VPS13C: variants seen among roughly 807,000 people sequenced by gnomAD.
The protein encoded by VPS13C is intermembrane lipid transfer protein VPS13C.
A neutral mutation model predicts 456.8 loss-of-function variants in VPS13C; 358 were observed. The ratio of observed to expected loss-of-function variants is 0.78; its 90% CI spans 0.72 to 0.86. The LOEUF is 0.86. Among genes scored for constraint, VPS13C ranks in the 40% least tolerant of loss-of-function variants. The pLI is 0.00. For synonymous variants in VPS13C, 1,578 were observed against 1,486.7 expected (o/e 1.06, Z -1.41); for missense variants, 4,818 against 4,385.4 (o/e 1.10, Z -2.79).
chr15:62,006,464 A>C (rs1444812444), intron 15 of VPS13C, among the ~76,000 whole-genome samples: 2 of 152,146 alleles, frequency 1.3e-5, no homozygotes, highest in East Asian at 3.9e-4. Context: ...ATAGTATTCC[A>C]TGGTGTATAT....
At position 61,881,785 on chromosome 15, in the gene VPS13C, T is replaced by G; in HGVS notation, c.9668A>C (p.His3223Pro). 1.2e-6 allele frequency: 2 copies of G among 1,608,118 alleles called. No individual in the cohort carries two copies. The highest frequency in any genetic ancestry group is 1.7e-6 in the Non-Finnish European group (2 of 1,178,492). The change falls in exon 70 of 85, where the codon CAT becomes CCT. Residue 3223 changes from histidine to proline, a missense_variant. Physicochemically the swap from His to Pro is moderately conservative, Grantham distance 77 (BLOSUM62 -2). Around this residue, in one of 3 missense-constraint regions of VPS13C, gnomAD observed 4,552 missense variants for 4,130.6 expected, o/e 1.10. Transcript: ENST00000644861. ...AATAGATTTTGGAGGGGCAACAGGA[T>G]GAAATACAACAGGGAACATTGCACC... ...LPGAMFPVVF[H>P]PVAPPKSIAL...
intron 1 of VPS13C, among the ~76,000 whole-genome samples, chr15:62,049,930 T>C (rs554839739): frequency 1.8e-4 from 28 of 152,348 alleles, no homozygotes; most frequent in African/African-American, 6.3e-4. Context: ...TAAGAATGCT[T>C]GTGATTTTTG....
chr15:62,008,680 G>C lies in VPS13C; in HGVS notation c.1093C>G (p.Pro365Ala). The C allele has an allele frequency of 6.2e-7, 1 of 1,605,198 alleles. No homozygotes were observed. Among genetic ancestry groups the C allele is most frequent in the Non-Finnish European group, 8.5e-7 (1 of 1,175,590 alleles). Reference protein sequence around the residue: ...APYRKYKPYLPLHTNGRRWWK... With the variant: ...APYRKYKPYLALHTNGRRWWK... ...CATCGTCGACCATTGGTATGAAGTG[G>C]TAAATAAGGCTTGTATTTCCTATAA... The change falls in exon 14 of 85, where the codon CCA becomes GCA. Residue 365 changes from proline (P) to alanine (A), a missense_variant. Around this residue, in one of 3 missense-constraint regions of VPS13C, gnomAD observed 4,552 missense variants for 4,130.6 expected, o/e 1.10. Transcript: ENST00000644861.
intron 22 of VPS13C, 79 bp from the exon 23 acceptor site, chr15:61,978,828 G>A: frequency 7.0e-7 from 1 of 1,425,600 alleles, no homozygotes; most frequent in Admixed American, 2.6e-5. Context: ...TTAGGTTTCA[G>A]TCTTGCATTT....
At chr15:61,905,644 T>C (rs1021675399) in intron 66 of VPS13C, among the ~76,000 whole-genome samples, 4 of 152,132 alleles carry the variant, frequency 2.6e-5, no homozygotes, top group South Asian at 2.1e-4. Context: ...GTATCTGTCA[T>C]TTATTATATA....
chr15:61,872,117 T>A, intron 78 of VPS13C, 83 bp from the exon 79 acceptor site: 1 of 1,111,498 alleles, frequency 9.0e-7, no homozygotes, highest in Non-Finnish European at 1.3e-6. Context: ...TCTACAGACA[T>A]ACTGGAAATA....
intron 82 of VPS13C, among the ~76,000 whole-genome samples, chr15:61,860,833 C>A (rs565106433): frequency 7.3e-5 from 11 of 151,684 alleles, no homozygotes; most frequent in Admixed American, 7.2e-4. Flanking sequence ...GTTATTCAAA[C>A]CAGGATGTTT....
intron 38 of VPS13C, 29 bp from the exon 39 acceptor site, chr15:61,952,009 A>C: frequency 6.2e-7 from 1 of 1,603,948 alleles, no homozygotes; most frequent in Non-Finnish European, 8.5e-7. Flanking sequence ...ATTACCACCA[A>C]CTATTTCACC....
intron 47 of VPS13C, 77 bp from the exon 48 acceptor site, chr15:61,936,827 G>A: frequency 7.2e-7 from 1 of 1,395,440 alleles, no homozygotes; most frequent in Non-Finnish European, 9.6e-7. Context: ...TCGATTTGTG[G>A]TTTTTCAAAT....
intron 53 of VPS13C, among the ~76,000 whole-genome samples, chr15:61,924,527 C>A (rs2043779850): frequency 6.6e-6 from 1 of 152,150 alleles, no homozygotes; most frequent in Non-Finnish European, 1.5e-5. Flanking sequence ...TTGAATCAAT[C>A]ATAAATTTAT....
Position 61,882,715 on chromosome 15 carries a change from T to C in VPS13C, c.9505A>G (p.Met3169Val), listed in dbSNP as rs754521522. Residue 3169 changes from methionine (M) to valine (V), a missense_variant, in exon 69 of 85, where the codon ATG becomes GTG. By Grantham distance (21) the Met-to-Val change is conservative. This residue lies in a region of VPS13C where 4,552 missense variants were observed against 4,130.6 expected (regional missense o/e 1.10). Coordinates refer to ENST00000644861, the MANE Select transcript of VPS13C (RefSeq NM_020821.3). ...CTACGAATAGGGAGGCGCATTTCCA[T>C]TGGATCTTTATCAAAATTGACCTAG... ...NFEVNFDKDP[M>V]EMRLPIRSPI... 6.9e-6 allele frequency: 11 copies of C among 1,587,866 alleles called. No homozygotes were observed. The highest frequency in any genetic ancestry group is 2.4e-5 in the South Asian group (2 of 84,318).
chr15:62,015,281 T>C (rs2047191649), intron 9 of VPS13C, among the ~76,000 whole-genome samples: 1 of 152,170 alleles, frequency 6.6e-6, no homozygotes, highest in African/African-American at 2.4e-5. Context: ...AAGGATAAAC[T>C]AGTTTCCTCC....
chr15:61,948,090 G>GT (rs1481516956), intron 42 of VPS13C, among the ~76,000 whole-genome samples: 2 of 151,990 alleles, frequency 1.3e-5, no homozygotes. Context: ...ACGACAGGTT[G>GT]TTTTTTTCTT....
At chr15:62,034,165 C>T (rs1375225263) in intron 4 of VPS13C, among the ~76,000 whole-genome samples, 1 of 151,472 alleles carries the variant, frequency 6.6e-6, no homozygotes, top group African/African-American at 2.4e-5. Context: ...AGGTAGCCCA[C>T]AATAGAATAC....
At chr15:62,003,047 T>G (rs1181357213) in intron 15 of VPS13C, among the ~76,000 whole-genome samples, 1 of 152,174 alleles carries the variant, frequency 6.6e-6, no homozygotes, top group Non-Finnish European at 1.5e-5. Context: ...TTTTTTCCAA[T>G]TCTGTGAAGA....
chr15:62,039,434 C>T (rs2048169187), intron 3 of VPS13C, among the ~76,000 whole-genome samples: 2 of 151,560 alleles, frequency 1.3e-5, no homozygotes, highest in African/African-American at 4.8e-5. Flanking sequence ...TACACAGCTC[C>T]ACAGAGACAT....
In VPS13C at chr15:62,004,690, G is replaced by C. The variant is rs28874008; in HGVS notation, c.1290+2618C>G. Among the ~76,000 whole-genome samples, 423 of 151,518 alleles carry C rather than the reference G, an allele frequency of 2.8e-3. 1 individual carries two copies. Among genetic ancestry groups the C allele is most frequent in the African/African-American group, 9.8e-3 (404 of 41,154 alleles). ...TAAATTTCCCTCTACACACTGCTTT[G>C]AATGTGTCCCAGAGATTCTGGTATG... On this transcript the variant is annotated intron_variant, in intron 15 of 84. Transcript: ENST00000644861.
intron 18 of VPS13C, among the ~76,000 whole-genome samples, chr15:61,989,841 G>C (rs1029107633): frequency 6.6e-6 from 1 of 152,148 alleles, no homozygotes; most frequent in Non-Finnish European, 1.5e-5. Context: ...ACTGATAGCG[G>C]AAGTGTTTTC....
intron 20 of VPS13C, among the ~76,000 whole-genome samples, chr15:61,983,309 C>T (rs1262216160): frequency 1.3e-5 from 2 of 152,130 alleles, no homozygotes; most frequent in Non-Finnish European, 2.9e-5. Flanking sequence ...TGATGACTAA[C>T]TTGAGATGAT....
Sources: gnomAD v4.1 joint callset for allele counts (sites outside exome capture counted in the v4.1 genomes callset) on GRCh38, gnomAD v4.1.1 for gene constraint, gnomAD v4.1.1 regional missense constraint, MANE v1.5 for transcripts, NCBI Gene and HGNC (gene_info 2026-07-23, HGNC 2026-07-21) for gene names.